Variants in PPTC7 observed in about 807,000 individuals in gnomAD.
PPTC7 encodes protein phosphatase targeting COQ7.
In PPTC7, 6 loss-of-function variants were observed where a neutral mutation model predicts 30.8. The observed-to-expected ratio is 0.19, with a 90% confidence interval of 0.11 to 0.38. The LOEUF is 0.38. Among genes scored for constraint, PPTC7 ranks in the 10% least tolerant of loss-of-function variants. The pLI is 1.00. For synonymous variants in PPTC7, 163 were observed against 168.1 expected, an observed-to-expected ratio of 0.97 and a Z score of 0.23; for missense variants, 218 against 404.8, an observed-to-expected ratio of 0.54 and a Z score of 3.96.
At chr12:110,564,830 TACACGTTATATATATATACACGTATA>T (rs1565924509) in intron 1 of PPTC7, among the ~76,000 whole-genome samples, 79 of 107,704 alleles carry the variant, frequency 7.3e-4, no homozygotes, top group African/African-American at 2.5e-3. Context: ...TATATATACA[TACACGTTATATATATATACACGTATA>T]TGTATATGTG....
In PPTC7 at chr12:110,582,861, G is replaced by A; in HGVS notation, c.171C>T (p.Cys57=). 2 of 1,560,028 alleles carry A rather than the reference G, an allele frequency of 1.3e-6. No individual in the cohort carries two copies. The highest frequency in any genetic ancestry group is 2.4e-5 in the South Asian group (2 of 85,102). The change falls in exon 1 of 6, where the codon TGC becomes TGT. Residue 57 remains cysteine, a synonymous_variant. Coordinates refer to ENST00000354300, the MANE Select transcript of PPTC7 (RefSeq NM_139283.2). ...FRKGLLKKGA[C]YGDDACFVAR... ...CCACGAAGCACGCGTCGTCCCCGTA[G>A]CACGCGCCCTTCTTGAGGAGGCCCT...
At chr12:110,576,154 C>T (rs879756160) in intron 1 of PPTC7, among the ~76,000 whole-genome samples, 1 of 152,050 alleles carries the variant, frequency 6.6e-6, no homozygotes, top group Non-Finnish European at 1.5e-5. Context: ...TAATATTCCA[C>T]AATTTTCTCT....
intron 1 of PPTC7, among the ~76,000 whole-genome samples, chr12:110,567,812 A>G (rs2064497301): frequency 6.6e-6 from 1 of 152,166 alleles, no homozygotes; most frequent in Non-Finnish European, 1.5e-5. Flanking sequence ...TATTCTTTAG[A>G]AGGATACACA....
At chr12:110,573,033 C>A (rs1212083249) in intron 1 of PPTC7, among the ~76,000 whole-genome samples, 1 of 152,172 alleles carries the variant, frequency 6.6e-6, no homozygotes, top group African/African-American at 2.4e-5. Context: ...GCGCCCGACA[C>A]TACGCCCAGC....
At chr12:110,552,639 C>T (rs1172583659) in intron 1 of PPTC7, among the ~76,000 whole-genome samples, 2 of 152,126 alleles carry the variant, frequency 1.3e-5, no homozygotes, top group Non-Finnish European at 2.9e-5. Flanking sequence ...CCGAGGCGGG[C>T]GGATCACGAG....
chr12:110,560,695 T>C (rs1376111705), intron 1 of PPTC7, among the ~76,000 whole-genome samples: 2 of 152,186 alleles, frequency 1.3e-5, no homozygotes, highest in East Asian at 1.9e-4. Flanking sequence ...AGAGAATAAA[T>C]ACTAAACTTC....
chr12:110,551,885 G>A lies in PPTC7; in HGVS notation c.307C>T (p.Arg103Cys). 2 of 1,614,000 alleles carry A rather than the reference G, an allele frequency of 1.2e-6. No homozygotes were observed. The highest frequency in any genetic ancestry group is 1.7e-6 in the Non-Finnish European group (2 of 1,179,936). Residue 103 changes from arginine (R) to cysteine (C), a missense_variant, in exon 2 of 6, where the codon CGT (arginine) becomes TGT (cysteine). Transcript: ENST00000354300. The stretch of plus-strand genomic sequence containing the variant: ...ACGAACCGTCCTTCTTTTACTAAAC[G>A]TTCACACGTCCGCATTAAAGTCCCT... The part of the protein sequence containing the change: ...FSGTLMRTCE[R>C]LVKEGRFVPS...
intron 1 of PPTC7, 38 bp from the exon 2 acceptor site, chr12:110,552,006 T>A (rs776599067): frequency 8.8e-5 from 137 of 1,549,358 alleles, no homozygotes; most frequent in South Asian, 3.8e-4. Context: ...AAGAACAATC[T>A]TACCAACTTC....
In PPTC7 at chr12:110,564,054, C is replaced by G. The variant is rs537781611; in HGVS notation, c.224-12086G>C. On this transcript the variant is annotated intron_variant, in intron 1 of 5. Transcript: ENST00000354300. ...CTCAACTGTGGCTTGGGAACTTGTGCAAATTACAAACTTGGTATGAATCAC... is the reference window on the plus strand; with the variant it reads ...CTCAACTGTGGCTTGGGAACTTGTGGAAATTACAAACTTGGTATGAATCAC... 3.9e-5 allele frequency among the ~76,000 whole-genome samples: 6 copies of G among 152,314 alleles called. No individual in the cohort carries two copies. The South Asian group carries it at 1.2e-3, about 32-fold the overall frequency.
rs192826297 is a variant in PPTC7 at position 110,542,493 on chromosome 12, G to A, written c.603-2548C>T. Reference sequence around the variant, plus strand: ...TCAAGACCAGCCTGCCCAACATGGTGAAACCCTGTCTCTACTAAAAAATAC... The same window carrying A: ...TCAAGACCAGCCTGCCCAACATGGTAAAACCCTGTCTCTACTAAAAAATAC... On this transcript the variant is annotated intron_variant, in intron 3 of 5. Transcript: ENST00000354300. 1.5e-3 allele frequency among the ~76,000 whole-genome samples: 222 copies of A among 151,892 alleles called. 1 individual carries two copies. The highest frequency in any genetic ancestry group is 5.2e-3 in the African/African-American group (214 of 41,432).
chr12:110,571,140 G>C (rs200256591), intron 1 of PPTC7, among the ~76,000 whole-genome samples: 45 of 149,570 alleles, frequency 3.0e-4, no homozygotes, highest in South Asian at 1.1e-3. Context: ...GAAGAAGCTA[G>C]GGTGATAATG....
At chr12:110,552,536 G>C (rs187692147) in intron 1 of PPTC7, among the ~76,000 whole-genome samples, 2 of 152,320 alleles carry the variant, frequency 1.3e-5, no homozygotes, top group African/African-American at 4.8e-5. Context: ...CACCCGAAAT[G>C]AGGGAAGCCC....
At chr12:110,558,509 T>C (rs2064408082) in intron 1 of PPTC7, among the ~76,000 whole-genome samples, 1 of 152,262 alleles carries the variant, frequency 6.6e-6, no homozygotes, top group Non-Finnish European at 1.5e-5. Flanking sequence ...AGTGTTTCCC[T>C]TGACCCAAAA....
Position 110,582,918 on chromosome 12 carries a change from C to T in PPTC7, c.114G>A (p.Thr38=), listed in dbSNP as rs1274671837. 4.5e-6 allele frequency: 7 copies of T among 1,549,512 alleles called. No homozygotes were observed. In the African/African-American group the frequency reaches 5.5e-5, roughly 12 times the overall value. The part of the protein sequence containing the change: ...GGGGGDYGLV[T]AGCGFGKDFR... ...AGTCCTTCCCGAAGCCGCAGCCGGC[C>T]GTCACCAGTCCGTAGTCGCCGCCGC... Residue 38 remains threonine, a synonymous_variant, in exon 1 of 6, where the codon ACG becomes ACA. Coordinates refer to ENST00000354300, the MANE Select transcript of PPTC7 (RefSeq NM_139283.2).
chr12:110,550,688 A>G (rs1212021955), intron 2 of PPTC7, among the ~76,000 whole-genome samples: 1 of 152,206 alleles, frequency 6.6e-6, no homozygotes, highest in Non-Finnish European at 1.5e-5. Flanking sequence ...AAACAAACGT[A>G]GAGGCCTGGC....
chr12:110,552,019 AG>A (rs1359604563), intron 1 of PPTC7, 51 bp from the exon 2 acceptor site: 2 of 1,476,590 alleles, frequency 1.4e-6, no homozygotes, highest in Non-Finnish European at 1.9e-6. Flanking sequence ...CCAACTTCTC[AG>A]GAATTCTTAC....
At chr12:110,561,086 GGGGCCATC>G (rs1449597814) in intron 1 of PPTC7, among the ~76,000 whole-genome samples, 1 of 152,190 alleles carries the variant, frequency 6.6e-6, no homozygotes. Flanking sequence ...TCTGCAGTAA[GGGGCCATC>G]TAATGAGAAA....
intron 1 of PPTC7, among the ~76,000 whole-genome samples, chr12:110,567,480 C>T (rs1245177931): frequency 6.6e-6 from 1 of 152,236 alleles, no homozygotes; most frequent in African/African-American, 2.4e-5. Context: ...GCTACCCATA[C>T]ATACTTCCAG....
intron 3 of PPTC7, among the ~76,000 whole-genome samples, chr12:110,545,087 G>C (rs983936377): frequency 1.3e-5 from 2 of 151,736 alleles, no homozygotes; most frequent in African/African-American, 4.8e-5. Flanking sequence ...AGACCATTTT[G>C]GTTTTATTGT....
Sources: gnomAD v4.1 joint callset for allele counts (sites outside exome capture counted in the v4.1 genomes callset) on GRCh38, gnomAD v4.1.1 for gene constraint, MANE v1.5 for transcripts, NCBI Gene and HGNC (gene_info 2026-07-23, HGNC 2026-07-21) for gene names.